The following EIF3B variants were observed in gnomAD, a reference collection of about 807,000 sequenced individuals.
The protein encoded by EIF3B is eukaryotic translation initiation factor 3 subunit 9.
EIF3B carries 10 observed loss-of-function variants against 104.6 expected under a neutral mutation model. The ratio of observed to expected loss-of-function variants is 0.10; its 90% CI spans 0.06 to 0.16. The LOEUF (loss-of-function observed/expected upper bound fraction) is 0.16, where lower values mean the gene tolerates loss of function less well. Ranked by LOEUF, EIF3B falls within the 10% of genes least tolerant of loss-of-function variation. The pLI, the probability that EIF3B is intolerant of heterozygous loss-of-function variation, is 1.00. For synonymous variants in EIF3B, 542 were observed against 417.2 expected (o/e 1.30, Z -3.65); for missense variants, 1,014 against 1,087.9 (o/e 0.93, Z 0.96).
intron 6 of EIF3B, among the ~76,000 whole-genome samples, chr7:2,365,671 G>GTTTTTTTTTTT (rs1436210560): frequency 9.2e-6 from 1 of 108,950 alleles, no homozygotes; most frequent in African/African-American, 4.5e-5. Flanking sequence ...TTGTTTGTTT[G>GTTTTTTTTTTT]TTTGTTTTGT....
At chr7:2,366,961 G>A (rs1403140503) in intron 8 of EIF3B, 38 bp from the exon 9 acceptor site, 2 of 1,599,470 alleles carry the variant, frequency 1.3e-6, no homozygotes, top group Admixed American at 1.7e-5. Flanking sequence ...ACACTGACAT[G>A]ATTTGACTCA....
intron 12 of EIF3B, 154 bp from the exon 13 acceptor site, chr7:2,374,374 G>C (rs1205214736): frequency 3.2e-6 from 2 of 631,604 alleles, no homozygotes; most frequent in Admixed American, 2.5e-5. Flanking sequence ...GGGGTACTTG[G>C]CGATGGACTT....
chr7:2,362,171 GCTGGTCTCGAA>G (rs1436003094), intron 2 of EIF3B, among the ~76,000 whole-genome samples: 1 of 151,972 alleles, frequency 6.6e-6, no homozygotes, highest in African/African-American at 2.4e-5. Context: ...TGTTGGCCGG[GCTGGTCTCGAA>G]CTCCTGACCT....
intron 14 of EIF3B, 149 bp downstream of exon 14, chr7:2,375,676 G>T: frequency 8.2e-7 from 1 of 1,225,082 alleles, no homozygotes; most frequent in Non-Finnish European, 1.1e-6. Flanking sequence ...GTGGCAGGAG[G>T]AGGAGGATTC....
chr7:2,371,997 C>G lies in EIF3B; in HGVS notation c.1687+148C>G, dbSNP rs750093656. 1.3e-4 allele frequency: 84 copies of G among 670,514 alleles called. 1 individual carries two copies. Among genetic ancestry groups the G allele is most frequent in the Non-Finnish European group, 4.0e-5 (15 of 371,298 alleles). The allele number at this position is 670,514 out of a possible 1,614,324, so 41.5% of individuals were successfully genotyped here. A position where few individuals can be genotyped will look rare whatever the true frequency, so the allele number is the denominator to read the frequency against. ...GAATAGTCATCTCCAGGTCACAGAA[C>G]GTGTTTAGAGCCTGGGCAACATAGT... On this transcript the variant is annotated intron_variant, in intron 11 of 18. Coordinates refer to ENST00000360876, the MANE Select transcript of EIF3B (RefSeq NM_001037283.2).
Position 2,366,359 on chromosome 7 carries a change from C to A in EIF3B, c.1200C>A (p.Asp400Glu), listed in dbSNP as rs1780027838. The A allele has an allele frequency of 6.2e-7, 1 of 1,613,582 alleles. No homozygotes were observed. The highest frequency in any genetic ancestry group is 1.3e-5 in the African/African-American group (1 of 74,864). ...TFSPLMDTQDDPQAIIIWDIL... is the reference protein window; with the variant it reads ...TFSPLMDTQDEPQAIIIWDIL... Reference sequence around the variant, plus strand: ...GCCCCCTGATGGACACGCAGGATGACCCTCAGGCCATAATCATCTGGGACA... The same window carrying A: ...GCCCCCTGATGGACACGCAGGATGAACCTCAGGCCATAATCATCTGGGACA... Residue 400 changes from aspartate (D) to glutamate (E), a missense_variant, in exon 7 of 19, where the codon GAC becomes GAA. This residue lies in a region of EIF3B where 201 missense variants were observed against 240.7 expected (regional missense o/e 0.83). Coordinates refer to ENST00000360876, the MANE Select transcript of EIF3B (RefSeq NM_001037283.2).
intron 9 of EIF3B, among the ~76,000 whole-genome samples, chr7:2,368,831 C>T (rs916758363): frequency 6.6e-6 from 1 of 152,204 alleles, no homozygotes; most frequent in Non-Finnish European, 1.5e-5. Flanking sequence ...TTCCAACAAT[C>T]CAAGGACATT....
chr7:2,371,763 T>C lies in EIF3B; in HGVS notation c.1615-14T>C, dbSNP rs376103580. ...TGTCCAGAATGTCACCCCTTCCCCCTTTTTTTTAAACAGGGTGTTGTCACA... is the reference window on the plus strand; with the variant it reads ...TGTCCAGAATGTCACCCCTTCCCCCCTTTTTTTAAACAGGGTGTTGTCACA... On this transcript the variant is annotated splice_polypyrimidine_tract_variant and intron_variant, in intron 10 of 18. Transcript: ENST00000360876. The C allele has an allele frequency of 4.5e-5, 71 of 1,583,110 alleles. No homozygotes were observed. Among genetic ancestry groups the C allele is most frequent in the Non-Finnish European group, 5.7e-5 (66 of 1,152,680 alleles).
upstream of EIF3B, among the ~76,000 whole-genome samples, chr7:2,354,688 T>A (rs1403499294): frequency 6.6e-6 from 1 of 152,202 alleles, no homozygotes; most frequent in Non-Finnish European, 1.5e-5. Context: ...AAGCACTTTC[T>A]TGTCACAAAT....
chr7:2,366,471 C>T lies in EIF3B; in HGVS notation c.1289+23C>T, dbSNP rs767629839. On this transcript the variant is annotated intron_variant, in intron 7 of 18. Coordinates refer to ENST00000360876, the MANE Select transcript of EIF3B (RefSeq NM_001037283.2). ...TAAGTAAGTGGACCATTGTAACGAG[C>T]TCTGTAGCCTTTGTCTTTTCATGGG... 18 of 1,613,896 alleles carry T rather than the reference C, an allele frequency of 1.1e-5. No individual in the cohort carries two copies. The Admixed American group carries it at 2.2e-4, about 19-fold the overall frequency.
chr7:2,370,459 G>A (rs866881984), intron 10 of EIF3B, among the ~76,000 whole-genome samples: 10 of 151,958 alleles, frequency 6.6e-5, no homozygotes, highest in African/African-American at 9.7e-5. Context: ...CCAGCCTGGC[G>A]ACAGAGCCAG....
At chr7:2,376,046 T>C (rs558369254) in intron 14 of EIF3B, 5 of 156,564 alleles carry the variant, frequency 3.2e-5, no homozygotes, top group Admixed American at 6.2e-5. Flanking sequence ...TAATTTTGTT[T>C]AATGAGATAC....
intron 12 of EIF3B, chr7:2,374,153 A>G (rs1230538953): frequency 5.6e-6 from 1 of 178,556 alleles, no homozygotes; most frequent in Non-Finnish European, 1.2e-5. Flanking sequence ...CATACAGCTT[A>G]TCCAAAGACG....
At position 2,374,919 on chromosome 7, in the gene EIF3B, G is replaced by A. The variant is rs184681732; in HGVS notation, c.1889+313G>A. The stretch of plus-strand genomic sequence containing the variant: ...CAGCCATCCAGTAACCTCCCCCCGG[G>A]GGTCAGTCCCTTGTCTTCTAGTGGG... On this transcript the variant is annotated intron_variant, in intron 13 of 18. Coordinates refer to ENST00000360876, the MANE Select transcript of EIF3B (RefSeq NM_001037283.2). 597 of 325,900 alleles carry A rather than the reference G, an allele frequency of 1.8e-3. 3 individuals carry two copies. The highest frequency in any genetic ancestry group is 0.01 in the African/African-American group (484 of 47,686). 20.2% of individuals were successfully genotyped at this position (325,900 alleles called of 1,614,324 possible).
chr7:2,359,655 G>A (rs57886450), intron 1 of EIF3B, among the ~76,000 whole-genome samples: 1 of 152,230 alleles, frequency 6.6e-6, no homozygotes, highest in Non-Finnish European at 1.5e-5. Context: ...GATAGTGGGA[G>A]CCCTGCTTTG....
At chr7:2,377,639 G>GTGAA (rs1165576609) in intron 15 of EIF3B, among the ~76,000 whole-genome samples, 2 of 106,420 alleles carry the variant, frequency 1.9e-5, no homozygotes, top group Non-Finnish European at 3.5e-5. Flanking sequence ...TCCGTGTTCT[G>GTGAA]TGAATGACCC....
At chr7:2,355,928 A>G (rs1033103692) in intron 1 of EIF3B, among the ~76,000 whole-genome samples, 1 of 152,228 alleles carries the variant, frequency 6.6e-6, no homozygotes, top group Non-Finnish European at 1.5e-5. Context: ...TTAGTGGGAC[A>G]GGCACCCTGT....
Position 2,379,387 on chromosome 7 carries a change from C to A in EIF3B, c.2342-7C>A. 2 of 1,581,368 alleles carry A rather than the reference C, an allele frequency of 1.3e-6. No individual in the cohort carries two copies. The highest frequency in any genetic ancestry group is 1.7e-6 in the Non-Finnish European group (2 of 1,162,822). On this transcript the variant is annotated splice_polypyrimidine_tract_variant and splice_region_variant and intron_variant, in intron 17 of 18. Transcript: ENST00000360876. ...CCATGGGTGATCTGCGCCCTTTGTCCCCTCAGGGGTGGACACTGACGAGCT... is the reference window on the plus strand; with the variant it reads ...CCATGGGTGATCTGCGCCCTTTGTCACCTCAGGGGTGGACACTGACGAGCT...
Position 2,367,825 on chromosome 7 carries a change from A to ATTTTTT in EIF3B, c.1403+809_1403+814dup, listed in dbSNP as rs71026506. ...ACGGTGAGTTTGTTCTTTTTTTAAA[A>ATTTTTT]TTTTTTTTTTTTTTTTTTTTTTTTT... On this transcript the variant is annotated intron_variant, in intron 9 of 18. Transcript: ENST00000360876. Among the ~76,000 whole-genome samples, 247 of 60,280 alleles carry ATTTTTT rather than the reference A, an allele frequency of 4.1e-3. 9 individuals are homozygous for ATTTTTT. The highest frequency in any genetic ancestry group is 0.032 in the East Asian group (52 of 1,620). 39.5% of individuals were successfully genotyped at this position (60,280 alleles called of 152,430 possible).
Sources: allele counts gnomAD v4.1 joint callset (sites outside exome capture counted in the v4.1 genomes callset), GRCh38; gene constraint gnomAD v4.1.1; regional missense constraint gnomAD v4.1.1; transcripts MANE v1.5; gene names NCBI Gene and HGNC (gene_info 2026-07-23, HGNC 2026-07-21).